Variants in TTN observed in about 807,000 individuals in gnomAD.
The protein encoded by TTN is titin, also known as connectin.
A neutral mutation model predicts 3,223.0 loss-of-function variants in TTN; 1,525 were observed. That is an observed-to-expected ratio of 0.47 (90% confidence interval 0.45 to 0.49). TTN has a LOEUF of 0.49. Ranked by LOEUF, TTN falls within the 20% of genes least tolerant of loss-of-function variation. The pLI, the probability that TTN is intolerant of heterozygous loss-of-function variation, is 0.00. For missense variants in TTN, 40,786 were observed against 43,424.0 expected (o/e 0.94, Z 5.40); for synonymous variants, 14,094 against 15,161.0 (o/e 0.93, Z 5.17).
intron 207 of TTN, 25 bp downstream of exon 207, chr2:178,651,428 T>G (rs1462448806): frequency 6.2e-7 from 1 of 1,603,938 alleles, no homozygotes. Flanking sequence ...TCCGCCCCCA[T>G]CAAACAGTGG....
chr2:178,625,553 T>A (rs1440133058), intron 240 of TTN, among the ~76,000 whole-genome samples, 157 bp from the exon 241 acceptor site: 2 of 151,982 alleles, frequency 1.3e-5, no homozygotes, highest in African/African-American at 4.8e-5. Flanking sequence ...CAACCAATAG[T>A]TTGGGATCTT....
In TTN at chr2:178,769,748, T is replaced by C; in HGVS notation, c.8833A>G (p.Thr2945Ala). 2 of 1,614,034 alleles carry C rather than the reference T, an allele frequency of 1.2e-6. No individual in the cohort carries two copies. The change falls in exon 37 of 363, where the codon ACA becomes GCA. Residue 2945 changes from threonine to alanine, a missense_variant. Coordinates refer to ENST00000589042, the MANE Select transcript of TTN (RefSeq NM_001267550.2). ...LHQLIIMNTS[T>A]EDSAEYTFVC... ...AATGTGTATTCTGCCGAGTCCTCTG[T>C]GCTGGTGTTCATGATGATCAGCTGA...
chr2:178,552,424 G>T lies in TTN; in HGVS notation c.90476C>A (p.Pro30159His), dbSNP rs1699807023. ...VHLELPYKGK[P>H]KPSISWLKDG... ...TTTCAGCCAACTGATGGATGGTTTG[G>T]GTTTTCCCTTATAAGGTAATTCAAG... is the stretch of plus-strand genomic sequence containing the variant. The change falls in exon 335 of 363, where the codon CCC becomes CAC. Residue 30159 changes from proline to histidine, a missense_variant. Physicochemically the swap from Pro to His is moderately conservative, Grantham distance 77. Coordinates refer to ENST00000589042, the MANE Select transcript of TTN (RefSeq NM_001267550.2). The T allele has an allele frequency of 6.3e-7, 1 of 1,597,880 alleles. No individual in the cohort carries two copies. Among genetic ancestry groups the T allele is most frequent in the African/African-American group, 1.3e-5 (1 of 74,598 alleles).
chr2:178,707,699 C>G lies in TTN; in HGVS notation c.28868G>C (p.Trp9623Ser). 6.2e-7 allele frequency: 1 copy of G among 1,613,970 alleles called. No homozygotes were observed. The highest frequency in any genetic ancestry group is 1.1e-5 in the South Asian group (1 of 91,082). Reference sequence around the variant, plus strand: ...CTTTATTTCCCTGCCAGCCTTCAACCACTGGATCCTAATTGGCTCAGATCC... The same window carrying G: ...CTTTATTTCCCTGCCAGCCTTCAACGACTGGATCCTAATTGGCTCAGATCC... ...VQGSEPIRIQ[W>S]LKAGREIKPS... Residue 9623 changes from tryptophan to serine, a missense_variant, in exon 100 of 363, where the codon TGG (tryptophan) becomes TCG (serine). Trp to Ser is a radical substitution (Grantham distance 177). Coordinates refer to ENST00000589042, the MANE Select transcript of TTN (RefSeq NM_001267550.2).
At chr2:178,543,721 G>C (rs559328873) in intron 346 of TTN, 59 bp from the exon 347 acceptor site, 1 of 1,510,802 alleles carries the variant, frequency 6.6e-7, no homozygotes, top group Admixed American at 2.2e-5. Context: ...TTTTTTTCTT[G>C]GGGAAATATA....
In TTN at chr2:178,738,374, T is replaced by C; in HGVS notation, c.14093-14A>G. 2 of 1,602,852 alleles carry C rather than the reference T, an allele frequency of 1.2e-6. No individual in the cohort carries two copies. The highest frequency in any genetic ancestry group is 1.7e-6 in the Non-Finnish European group (2 of 1,173,094). ...TCACTGGGGCAGCTGCAAAGGGAAG[T>C]AGAGTCCATTAACATGCCTCCTTAT... On this transcript the variant is annotated splice_polypyrimidine_tract_variant and intron_variant, in intron 48 of 362. Transcript: ENST00000589042.
chr2:178,784,089 A>G lies in TTN; in HGVS notation c.2756T>C (p.Leu919Pro). ...ACCAACCTTGGCTTCGCGTCCGTGCAGTACTTCAAAGCGCTCTTCACGGAC... is the reference window on the plus strand; with the variant it reads ...ACCAACCTTGGCTTCGCGTCCGTGCGGTACTTCAAAGCGCTCTTCACGGAC... ...TTVREERFEVLHGREAKVTET... is the reference protein window; with the variant it reads ...TTVREERFEVPHGREAKVTET... Residue 919 changes from leucine (L) to proline (P), a missense_variant, in exon 16 of 363, where the codon CTG becomes CCG. Transcript: ENST00000589042. The G allele has an allele frequency of 6.2e-7, 1 of 1,613,712 alleles. No homozygotes were observed. The highest frequency in any genetic ancestry group is 8.5e-7 in the Non-Finnish European group (1 of 1,179,996).
rs777819401 is a variant in TTN at position 178,531,395 on chromosome 2, C to G, written c.105220G>C (p.Glu35074Gln). Residue 35074 changes from glutamate to glutamine, a missense_variant, in exon 358 of 363, where the codon GAA (glutamate) becomes CAA (glutamine). By Grantham distance (29) the Glu-to-Gln change is conservative. Coordinates refer to ENST00000589042, the MANE Select transcript of TTN (RefSeq NM_001267550.2). ...VSSFKKTSEM[E>Q]ASSSVREVKS... is the part of the protein sequence containing the mutation. The stretch of plus-strand genomic sequence containing the variant: ...ACTTCCCTGACAGAAGACGAAGCTT[C>G]CATCTCAGATGTTTTCTTAAATGAT... 1 of 1,613,946 alleles carries G rather than the reference C, an allele frequency of 6.2e-7. No homozygotes were observed. Among genetic ancestry groups the G allele is most frequent in the African/African-American group, 1.3e-5 (1 of 74,946 alleles).
chr2:178,567,931 A>T lies in TTN; in HGVS notation c.78201T>A (p.Ala26067=). The T allele has an allele frequency of 6.2e-7, 1 of 1,613,602 alleles. No homozygotes were observed. The highest frequency in any genetic ancestry group is 2.2e-5 in the East Asian group (1 of 44,850). ...CTTTGCCTACACCAACAATATTTTC[A>T]GCATACACTCTGAATTCATATTCAA... The part of the protein sequence containing the change: ...EGIEYEFRVY[A]ENIVGVGKAS... Residue 26067 remains alanine (A), a synonymous_variant, in exon 326 of 363, where the codon GCT becomes GCA. Coordinates refer to ENST00000589042, the MANE Select transcript of TTN (RefSeq NM_001267550.2).
intron 206 of TTN, 49 bp from the exon 207 acceptor site, chr2:178,651,585 T>A: frequency 6.2e-7 from 1 of 1,610,884 alleles, no homozygotes; most frequent in Non-Finnish European, 8.5e-7. Flanking sequence ...CAATGAAATG[T>A]GAAAATCATG....
chr2:178,796,930 A>C (rs534084164), intron 6 of TTN, among the ~76,000 whole-genome samples: 1 of 152,334 alleles, frequency 6.6e-6, no homozygotes, highest in East Asian at 1.9e-4. Flanking sequence ...TACAACAAAA[A>C]TCAAGATTAA....
intron 131 of TTN, 31 bp downstream of exon 131, chr2:178,684,635 C>G (rs755225030): frequency 6.3e-7 from 1 of 1,589,884 alleles, no homozygotes; most frequent in East Asian, 2.2e-5. Context: ...GCCATATGTT[C>G]CTAGTTTTTC....
At position 178,640,093 on chromosome 2, in the gene TTN, C is replaced by T. The variant is rs1374414718; in HGVS notation, c.40741G>A (p.Ala13581Thr). 4 of 1,611,994 alleles carry T rather than the reference C, an allele frequency of 2.5e-6. No individual in the cohort carries two copies. The highest frequency in any genetic ancestry group is 3.4e-6 in the Non-Finnish European group (4 of 1,178,730). The change falls in exon 222 of 363, where the codon GCA becomes ACA. Residue 13581 changes from alanine (A) to threonine (T), a missense_variant. Physicochemically the swap from Ala to Thr is moderately conservative, Grantham distance 58. Coordinates refer to ENST00000589042, the MANE Select transcript of TTN (RefSeq NM_001267550.2). ...EPTKVPEIKP[A>T]IPLPAPEPKP... The stretch of plus-strand genomic sequence containing the variant: ...GGTTCAGGTGCAGGGAGAGGTATTG[C>T]TGGCTTGATTTCAGGCACTGAAATA...
chr2:178,575,558 T>C lies in TTN; in HGVS notation c.70574A>G (p.Glu23525Gly), dbSNP rs1709774465. The change falls in exon 326 of 363, where the codon GAG (glutamate) becomes GGG (glycine). Residue 23525 changes from glutamate to glycine, a missense_variant. Glu to Gly is a moderately conservative substitution (Grantham distance 98). Transcript: ENST00000589042. This position sits in a 1 kb window ranked among gnomAD's most constrained non-coding sequence, Gnocchi z 4.0. ...TGGTGCTTCAGAGGCTTTTACGGGC[T>C]CTGTAGTTTCTGTTGGCTCACCAAT... ...YGIGEPTETTEPVKASEAPSP... is the reference protein window; with the variant it reads ...YGIGEPTETTGPVKASEAPSP... The C allele has an allele frequency of 6.2e-7, 1 of 1,613,694 alleles. No individual in the cohort carries two copies. The highest frequency in any genetic ancestry group is 8.5e-7 in the Non-Finnish European group (1 of 1,179,648).
At position 178,712,310 on chromosome 2, in the gene TTN, C is replaced by T. The variant is rs2154295977; in HGVS notation, c.27607+5G>A. 6.2e-7 allele frequency: 1 copy of T among 1,611,326 alleles called. No homozygotes were observed. Among genetic ancestry groups the T allele is most frequent in the Non-Finnish European group, 8.5e-7 (1 of 1,177,962 alleles). On this transcript the variant is annotated splice_donor_5th_base_variant and intron_variant, in intron 95 of 362. Transcript: ENST00000589042. ...CAAAGATAAAAATGTGCAATCATGACAAACCTAGTATGAGTATTTGTGCTG... is the reference window on the plus strand; with the variant it reads ...CAAAGATAAAAATGTGCAATCATGATAAACCTAGTATGAGTATTTGTGCTG...
chr2:178,591,161 G>A lies in TTN; in HGVS notation c.60564C>T (p.His20188=). The stretch of plus-strand genomic sequence containing the variant: ...TAGGTGGCTGCCATGAGATAGTCAT[G>A]TGTTCAGGAGTAACATCCAGAATAT... ...PINILDVTPE[H]MTISWQPPKD... The change falls in exon 304 of 363, where the codon CAC becomes CAT. Residue 20188 remains histidine, a synonymous_variant. Coordinates refer to ENST00000589042, the MANE Select transcript of TTN (RefSeq NM_001267550.2). 2 of 1,613,360 alleles carry A rather than the reference G, an allele frequency of 1.2e-6. No homozygotes were observed. The highest frequency in any genetic ancestry group is 1.7e-6 in the Non-Finnish European group (2 of 1,179,542).
Position 178,636,837 on chromosome 2 carries a change from CCTTAGGAGT to C in TTN, c.40928-47_40928-39del. The C allele has an allele frequency of 6.6e-7, 1 of 1,516,588 alleles. No homozygotes were observed. The highest frequency in any genetic ancestry group is 8.8e-7 in the Non-Finnish European group (1 of 1,135,242). The allele number at this position is 1,516,588 out of a possible 1,614,324, so 93.9% of individuals were successfully genotyped here. On this transcript the variant is annotated intron_variant, in intron 224 of 362. Transcript: ENST00000589042. This position sits in a 1 kb window ranked among gnomAD's most constrained non-coding sequence, Gnocchi z 4.3. ...AAAATAAAAAGTTGATTTGGCATCT[CCTTAGGAGT>C]CAGAAAGTTCATACTTGGCTGCCTG...
In TTN at chr2:178,564,544, A is replaced by G. The variant is rs372196977; in HGVS notation, c.81588T>C (p.Tyr27196=). Residue 27196 remains tyrosine, a synonymous_variant, in exon 326 of 363, where the codon TAT becomes TAC. Transcript: ENST00000589042. ...AACCTGTTATTTTGCTACCACCATCATAGGCAGGTTTCTTCCATTTCAGTG... is the reference window on the plus strand; with the variant it reads ...AACCTGTTATTTTGCTACCACCATCGTAGGCAGGTTTCTTCCATTTCAGTG... The part of the protein sequence containing the change: ...NVTLKWKKPA[Y]DGGSKITGYI... 1 of 1,613,320 alleles carries G rather than the reference A, an allele frequency of 6.2e-7. No individual in the cohort carries two copies. The highest frequency in any genetic ancestry group is 8.5e-7 in the Non-Finnish European group (1 of 1,179,630).
rs377658313 is a variant in TTN, at chr2:178,778,935, G to C, written c.4147C>G (p.Pro1383Ala). Residue 1383 changes from proline (P) to alanine (A), a missense_variant, in exon 24 of 363, where the codon CCT (proline) becomes GCT (alanine). By Grantham distance (27) the Pro-to-Ala change is conservative. Transcript: ENST00000589042. ...GTCGGAGCTCCAAGTGGTGCAGCAG[G>C]CTCCACATACAATTTCCCTGAGCAA... is the stretch of plus-strand genomic sequence containing the variant. ...AICSGKLYVE[P>A]AAPLGAPTYI... The C allele has an allele frequency of 6.2e-6, 10 of 1,613,856 alleles. No individual in the cohort carries two copies. Among genetic ancestry groups the C allele is most frequent in the South Asian group, 1.1e-5 (1 of 91,084 alleles).
Sources: allele counts gnomAD v4.1 joint callset (sites outside exome capture counted in the v4.1 genomes callset), GRCh38; gene constraint gnomAD v4.1.1; non-coding constraint Gnocchi (gnomAD v3.1); transcripts MANE v1.5; gene names NCBI Gene and HGNC (gene_info 2026-07-23, HGNC 2026-07-21).